TH: variants seen among roughly 807,000 people sequenced by gnomAD.
The protein encoded by TH is tyrosine 3-monooxygenase.
Under a neutral mutation model 57.4 loss-of-function variants are expected in TH, and 49 were observed. The ratio of observed to expected loss-of-function variants is 0.85; its 90% CI spans 0.68 to 1.08. The LOEUF (loss-of-function observed/expected upper bound fraction) is 1.08, where lower values mean the gene tolerates loss of function less well. TH is among the 50% of genes least tolerant of loss of function. TH has a pLI of 0.00. For missense variants in TH, 720 were observed against 696.7 expected, an observed-to-expected ratio of 1.03 and a Z score of -0.38; for synonymous variants, 330 against 304.5, an observed-to-expected ratio of 1.08 and a Z score of -0.87.
rs1036720751 is a variant in TH at position 2,171,135 on chromosome 11, A to C, written c.90+562T>G. ...TGAATGAGGGAAATAAGGGAGGAAC[A>C]GGCCAATGGGAATCACCCCAGAGCC... On this transcript the variant is annotated intron_variant, in intron 1 of 12. Transcript: ENST00000352909. The surrounding 1 kb of genome is among the most constrained non-coding windows in gnomAD (Gnocchi z 8.6). Among the ~76,000 whole-genome samples the C allele has an allele frequency of 6.6e-6, 1 of 151,770 alleles. No homozygotes were observed. The highest frequency in any genetic ancestry group is 2.4e-5 in the African/African-American group (1 of 41,320).
rs138291013 is a variant in TH at position 2,164,378 on chromosome 11, C to A, written c.1349G>T (p.Arg450Leu). Residue 450 changes from arginine (R) to leucine (L), a missense_variant, in exon 13 of 13, where the codon CGC becomes CTC. Physicochemically the swap from Arg to Leu is moderately radical, Grantham distance 102. Coordinates refer to ENST00000352909, the MANE Select transcript of TH (RefSeq NM_000360.4). The stretch of plus-strand genomic sequence containing the variant: ...CTTCACGGAGAAGGGGCGCTGGATG[C>A]GTGAGGCATAGCTCCTGGGGAGGAG... ...AKDKLRSYAS[R>L]IQRPFSVKFD... 2.6e-6 allele frequency: 4 copies of A among 1,548,838 alleles called. No homozygotes were observed. Among genetic ancestry groups the A allele is most frequent in the Non-Finnish European group, 3.5e-6 (4 of 1,145,388 alleles).
At chr11:2,167,237 C>A in intron 6 of TH, 198 bp downstream of exon 6, 1 of 970,688 alleles carries the variant, frequency 1.0e-6, no homozygotes, top group Non-Finnish European at 1.5e-6. Context: ...GGCGGTCCCT[C>A]AGCACACTGG....
At chr11:2,168,727 G>GA in intron 2 of TH, 62 bp from the exon 3 acceptor site, 1 of 1,132,888 alleles carries the variant, frequency 8.8e-7, no homozygotes, top group Admixed American at 2.1e-5. Context: ...GAGAGAGAGG[G>GA]TGGGGTGGGC....
Position 2,166,621 on chromosome 11 carries a change from G to A in TH, c.977+12C>T, listed in dbSNP as rs1846098704. 1 of 1,581,508 alleles carries A rather than the reference G, an allele frequency of 6.3e-7. No individual in the cohort carries two copies. Among genetic ancestry groups the A allele is most frequent in the East Asian group, 2.3e-5 (1 of 43,466 alleles). On this transcript the variant is annotated intron_variant, in intron 8 of 12. Coordinates refer to ENST00000352909, the MANE Select transcript of TH (RefSeq NM_000360.4). ...CCCCACCCTCGGGCTGGCGGCCAGG[G>A]CGCGCACTCACGGCTCAGGGGAGTG...
At chr11:2,167,747 C>G in intron 5 of TH, 119 bp downstream of exon 5, 1 of 1,291,504 alleles carries the variant, frequency 7.7e-7, no homozygotes, top group Non-Finnish European at 1.1e-6. Flanking sequence ...AGCTGCCTGG[C>G]AGGAGGCACT....
chr11:2,165,896 A>G, intron 10 of TH, 106 bp downstream of exon 10: 1 of 1,496,794 alleles, frequency 6.7e-7, no homozygotes, highest in South Asian at 1.2e-5. Flanking sequence ...GAGGGTCACA[A>G]TTCGTGGGTG....
In TH at chr11:2,166,709, C is replaced by T. The variant is rs779139610; in HGVS notation, c.901G>A (p.Ala301Thr). The T allele has an allele frequency of 1.3e-6, 2 of 1,552,960 alleles. No homozygotes were observed. Among genetic ancestry groups the T allele is most frequent in the South Asian group, 2.4e-5 (2 of 84,320 alleles). ...TGGAACACGCGGAAGGCCAGGCTGG[C>T]CAGGAAGTCCCGGGCGGACAGCAGG... ...AGLLSARDFLASLAFRVFQCT... is the reference protein window; with the variant it reads ...AGLLSARDFLTSLAFRVFQCT... Residue 301 changes from alanine (A) to threonine (T), a missense_variant, in exon 8 of 13, where the codon GCC becomes ACC. Transcript: ENST00000352909.
rs59181491 is a variant in TH at position 2,171,085 on chromosome 11, GTGAATGAATGAATGAA to G, written c.90+596_90+611del. ...GGTCACAGGGAACACAGACTCCATG[GTGAATGAATGAATGAA>G]TGAATGAATGAATGAGGGAAATAAG... is the stretch of plus-strand genomic sequence containing the variant. On this transcript the variant is annotated intron_variant, in intron 1 of 12. Coordinates refer to ENST00000352909, the MANE Select transcript of TH (RefSeq NM_000360.4). The surrounding 1 kb of genome is among the most constrained non-coding windows in gnomAD (Gnocchi z 8.6). Among the ~76,000 whole-genome samples the G allele has an allele frequency of 3.6e-5, 5 of 140,788 alleles. No homozygotes were observed. The highest frequency in any genetic ancestry group is 2.1e-4 in the Admixed American group (3 of 14,240). 92.4% of individuals were successfully genotyped at this position (140,788 alleles called of 152,430 possible). A position where few individuals can be genotyped will look rare whatever the true frequency, so the allele number is the denominator to read the frequency against.
intron 4 of TH, 43 bp from the exon 5 acceptor site, chr11:2,167,976 G>A: frequency 6.2e-7 from 1 of 1,609,670 alleles, no homozygotes; most frequent in Non-Finnish European, 8.5e-7. Flanking sequence ...CTGTGCTGGG[G>A]TGGGGGCACA....
intron 5 of TH, 67 bp downstream of exon 5, chr11:2,167,799 C>A: frequency 6.6e-7 from 1 of 1,517,026 alleles, no homozygotes; most frequent in Non-Finnish European, 9.0e-7. Context: ...GTCCTTCCCT[C>A]CCACCCCCCA....
intron 2 of TH, 175 bp from the exon 3 acceptor site, chr11:2,168,840 C>A: frequency 1.2e-6 from 1 of 833,102 alleles, no homozygotes; most frequent in Non-Finnish European, 1.9e-6. Context: ...CTGTCGGCCA[C>A]CAGGCCAGGG....
Position 2,167,006 on chromosome 11 carries a change from C to A in TH, c.722G>T (p.Gly241Val). 6.3e-7 allele frequency: 1 copy of A among 1,588,304 alleles called. No homozygotes were observed. Among genetic ancestry groups the A allele is most frequent in the Non-Finnish European group, 8.6e-7 (1 of 1,167,848 alleles). Reference sequence around the variant, plus strand: ...CCCGCAGGCGTGCGTGGCGTAGAGGCCCTTCAGCGTGGTGTAGACCTCCTT... The same window carrying A: ...CCCGCAGGCGTGCGTGGCGTAGAGGACCTTCAGCGTGGTGTAGACCTCCTT... ...TWKEVYTTLK[G>V]LYATHACGEH... The change falls in exon 7 of 13, where the codon GGC (glycine) becomes GTC (valine). Residue 241 changes from glycine (G) to valine (V), a missense_variant. Gly to Val is a moderately radical substitution (Grantham distance 109). Coordinates refer to ENST00000352909, the MANE Select transcript of TH (RefSeq NM_000360.4).
intron 2 of TH, chr11:2,168,866 T>C (rs1846175736): frequency 4.4e-6 from 3 of 687,746 alleles, no homozygotes; most frequent in South Asian, 1.8e-5. Context: ...CACTGGCAAG[T>C]TGGATTTTGT....
chr11:2,168,242 C>T, intron 3 of TH, 63 bp from the exon 4 acceptor site: 1 of 1,551,314 alleles, frequency 6.4e-7, no homozygotes, highest in Non-Finnish European at 8.9e-7. Flanking sequence ...TGTCACCCAC[C>T]TTGAAGCAGC....
chr11:2,166,307 G>T (rs1342540400), intron 9 of TH, 173 bp downstream of exon 9: 1 of 993,302 alleles, frequency 1.0e-6, no homozygotes, highest in East Asian at 2.6e-5. Context: ...CAGGCCGTGG[G>T]AGGCTCCGCT....
chr11:2,166,860 C>T (rs1308165065), intron 7 of TH, 27 bp downstream of exon 7: 2 of 1,597,540 alleles, frequency 1.3e-6, no homozygotes, highest in Non-Finnish European at 8.5e-7. Flanking sequence ...GGCCCCCCGG[C>T]TCTGCGCCCC....
At chr11:2,165,864 C>T in intron 10 of TH, 101 bp from the exon 11 acceptor site, 3 of 1,514,328 alleles carry the variant, frequency 2.0e-6, no homozygotes, top group Non-Finnish European at 2.7e-6. Context: ...GAGGCCAGGC[C>T]AGGATGCAGG....
At position 2,169,842 on chromosome 11, in the gene TH, G is replaced by A. The variant is rs766048900; in HGVS notation, c.120C>T (p.Ser40=). 4.3e-6 allele frequency: 7 copies of A among 1,610,422 alleles called. No individual in the cohort carries two copies. The highest frequency in any genetic ancestry group is 5.1e-6 in the Non-Finnish European group (6 of 1,179,614). The change falls in exon 2 of 13, where the codon AGC becomes AGT. Residue 40 remains serine, a synonymous_variant. Transcript: ENST00000352909. The part of the protein sequence containing the change: ...MSPRFIGRRQ[S]LIEDARKERE... ...GCTCCTTGCGGGCGTCCTCGATGAGGCTCTGCCTGCGCCCAATGAACCGCG... is the reference window on the plus strand; with the variant it reads ...GCTCCTTGCGGGCGTCCTCGATGAGACTCTGCCTGCGCCCAATGAACCGCG...
At chr11:2,167,774 T>G in intron 5 of TH, 92 bp downstream of exon 5, 1 of 1,425,762 alleles carries the variant, frequency 7.0e-7, no homozygotes, top group Non-Finnish European at 9.7e-7. Flanking sequence ...GGTGACAAGA[T>G]GGGTCCTCCC....
Sources: gnomAD v4.1 joint callset for allele counts (sites outside exome capture counted in the v4.1 genomes callset) on GRCh38, gnomAD v4.1.1 for gene constraint, Gnocchi (gnomAD v3.1) non-coding constraint, MANE v1.5 for transcripts, NCBI Gene and HGNC (gene_info 2026-07-23, HGNC 2026-07-21) for gene names.